Variants in WDPCP observed in about 807,000 individuals in gnomAD.
WDPCP encodes WD repeat containing planar cell polarity effector.
In WDPCP, 71 loss-of-function variants were observed where a neutral mutation model predicts 93.1. The ratio of observed to expected loss-of-function variants is 0.76; its 90% confidence interval spans 0.63 to 0.93. WDPCP has a LOEUF of 0.93. WDPCP is among the 40% of genes least tolerant of loss of function. WDPCP has a pLI of 0.00. For missense variants in WDPCP, 844 were observed against 887.4 expected, an observed-to-expected ratio of 0.95 and a Z score of 0.62; for synonymous variants, 315 against 315.0, an observed-to-expected ratio of 1.00 and a Z score of 0.00.
intron 15 of WDPCP, among the ~76,000 whole-genome samples, chr2:63,161,255 C>G (rs778590813): frequency 6.6e-6 from 1 of 152,184 alleles, no homozygotes; most frequent in Admixed American, 6.6e-5. Context: ...ACACCAAAGA[C>G]AAAAGCATCT....
intron 14 of WDPCP, among the ~76,000 whole-genome samples, chr2:63,185,351 C>T (rs919045525): frequency 1.3e-5 from 2 of 152,076 alleles, no homozygotes; most frequent in African/African-American, 4.8e-5. Flanking sequence ...GAGAAATAGT[C>T]ACTTCTTATT....
At chr2:63,776,141 C>A (rs2103959507) in intron 2 of WDPCP, among the ~76,000 whole-genome samples, 1 of 146,918 alleles carries the variant, frequency 6.8e-6, no homozygotes, top group Non-Finnish European at 1.5e-5. Flanking sequence ...ACAAATGAAA[C>A]AACTGATAAA....
chr2:63,581,090 T>A (rs1251667251), intron 1 of WDPCP, among the ~76,000 whole-genome samples: 1 of 152,114 alleles, frequency 6.6e-6, no homozygotes, highest in Non-Finnish European at 1.5e-5. Context: ...GCTGAGCTTG[T>A]AAGAGAGAGC....
Position 63,209,906 on chromosome 2 carries a change from C to T in WDPCP, c.1916-35074G>A, listed in dbSNP as rs949512491. 2.6e-5 allele frequency among the ~76,000 whole-genome samples: 4 copies of T among 152,046 alleles called. No individual in the cohort carries two copies. The East Asian group carries it at 7.7e-4, about 29-fold the overall frequency. ...ATTTTTAAAAAGTCATTTTGCAAAACAGGAAGCATGATTATATTTTGTTAA... is the reference window on the plus strand; with the variant it reads ...ATTTTTAAAAAGTCATTTTGCAAAATAGGAAGCATGATTATATTTTGTTAA... On this transcript the variant is annotated intron_variant, in intron 14 of 17. Coordinates refer to ENST00000272321, the MANE Select transcript of WDPCP (RefSeq NM_015910.7).
intron 2 of WDPCP, among the ~76,000 whole-genome samples, chr2:63,675,855 A>T (rs1240506438): frequency 6.6e-6 from 1 of 152,190 alleles, no homozygotes; most frequent in Non-Finnish European, 1.5e-5. Flanking sequence ...GATGAATAGA[A>T]ACTATAATTT....
chr2:63,683,733 C>A (rs1474523321), intron 2 of WDPCP, among the ~76,000 whole-genome samples: 3 of 151,918 alleles, frequency 2.0e-5, no homozygotes, highest in East Asian at 3.9e-4. Context: ...CCTGTAGTCC[C>A]AGCTACTTGG....
intron 1 of WDPCP, among the ~76,000 whole-genome samples, chr2:63,494,125 A>T (rs928178772): frequency 3.3e-5 from 5 of 152,160 alleles, no homozygotes; most frequent in Non-Finnish European, 4.4e-5. Context: ...GAGATATAGT[A>T]TGCTACGGAC....
At position 63,311,612 on chromosome 2, in the gene WDPCP, T is replaced by C. The variant is rs1686194827; in HGVS notation, c.1812+1636A>G. 2.6e-5 allele frequency among the ~76,000 whole-genome samples: 4 copies of C among 152,292 alleles called. No homozygotes were observed. The South Asian group carries it at 8.3e-4, about 32-fold the overall frequency. On this transcript the variant is annotated intron_variant, in intron 13 of 17. Coordinates refer to ENST00000272321, the MANE Select transcript of WDPCP (RefSeq NM_015910.7). ...ATACTTCCCTTATTTTAGATTTTCA[T>C]CTTTTATGTGTAAAAATCATCATGG...
chr2:63,558,162 T>TAA (rs796423500), intron 1 of WDPCP, among the ~76,000 whole-genome samples: 6 of 146,926 alleles, frequency 4.1e-5, no homozygotes, highest in Admixed American at 4.1e-4. Flanking sequence ...AAAAACCTCT[T>TAA]AAAAAAAAAA....
intron 6 of WDPCP, among the ~76,000 whole-genome samples, chr2:63,451,536 T>G (rs1302265671): frequency 6.6e-6 from 1 of 152,148 alleles, no homozygotes; most frequent in Non-Finnish European, 1.5e-5. Context: ...CTGGTACCAT[T>G]CCTTCTGAAA....
At chr2:63,224,171 A>G (rs1678076663) in intron 14 of WDPCP, among the ~76,000 whole-genome samples, 1 of 152,068 alleles carries the variant, frequency 6.6e-6, no homozygotes, top group Non-Finnish European at 1.5e-5. Flanking sequence ...AGGAAATGCA[A>G]TTTTCAATAA....
chr2:63,146,497 G>A (rs372213847), intron 17 of WDPCP, among the ~76,000 whole-genome samples: 6 of 147,714 alleles, frequency 4.1e-5, no homozygotes, highest in African/African-American at 1.0e-4. Flanking sequence ...CTCTGCCTCC[G>A]CCTCCTGAGT....
At chr2:63,466,241 C>G (rs530173788) in intron 6 of WDPCP, among the ~76,000 whole-genome samples, 13 of 152,016 alleles carry the variant, frequency 8.6e-5, no homozygotes, top group African/African-American at 1.4e-4. Context: ...GTAGTTATAA[C>G]TGCTTTTCAT....
chr2:63,331,119 G>C (rs2104336447), intron 12 of WDPCP, among the ~76,000 whole-genome samples: 1 of 152,234 alleles, frequency 6.6e-6, no homozygotes, highest in African/African-American at 2.4e-5. Context: ...GCCTCCCACA[G>C]TGTTGGGATT....
chr2:63,529,493 T>C (rs927084822), intron 1 of WDPCP, among the ~76,000 whole-genome samples: 47 of 152,312 alleles, frequency 3.1e-4, no homozygotes, highest in African/African-American at 9.9e-4. Flanking sequence ...TTGTCTTTGG[T>C]TCTGTTTATG....
At chr2:63,819,406 G>A (rs953779699) in intron 1 of WDPCP, among the ~76,000 whole-genome samples, 4 of 151,570 alleles carry the variant, frequency 2.6e-5, no homozygotes, top group Admixed American at 2.0e-4. Flanking sequence ...TCCTCAGCAC[G>A]TTTACAGGTC....
At chr2:63,244,272 A>AAGTTCAAATTAACAATCTAAC (rs1680094646) in intron 14 of WDPCP, among the ~76,000 whole-genome samples, 1 of 152,156 alleles carries the variant, frequency 6.6e-6, no homozygotes, top group East Asian at 1.9e-4. Context: ...AAGTTAGAAA[A>AAGTTCAAATTAACAATCTAAC]AGTTCAAATT....
At position 63,153,546 on chromosome 2, in the gene WDPCP, CA is replaced by C. The variant is rs1485482946; in HGVS notation, c.2106del (p.Glu703LysfsTer9). On this transcript the variant is annotated frameshift_variant, in exon 16 of 18. Transcript: ENST00000272321. LOFTEE classifies it high-confidence loss of function. ...NRQIIDRRNE[L>X]EKDICSGFLM... ...AAAAATCCAGAACAGATGTCTTTTT[CA>C]AGTTCATTCCTTCTGTCAATTATTT... The C allele has an allele frequency of 6.2e-7, 1 of 1,612,314 alleles. No individual in the cohort carries two copies. The highest frequency in any genetic ancestry group is 2.2e-5 in the East Asian group (1 of 44,660).
At chr2:63,465,095 GCTGA>G (rs989534371) in intron 6 of WDPCP, among the ~76,000 whole-genome samples, 2 of 151,720 alleles carry the variant, frequency 1.3e-5, no homozygotes, top group African/African-American at 2.4e-5. Flanking sequence ...TGAAAAAAAA[GCTGA>G]CTGGGAAGAT....
Sources: gnomAD v4.1 joint callset for allele counts (sites outside exome capture counted in the v4.1 genomes callset) on GRCh38, gnomAD v4.1.1 for gene constraint, MANE v1.5 for transcripts, NCBI Gene and HGNC (gene_info 2026-07-23, HGNC 2026-07-21) for gene names.